CAST: variants seen among roughly 807,000 people sequenced by gnomAD.
The protein encoded by CAST is calpastatin, also known as MIR583 host.
In CAST, 76 loss-of-function variants were observed where a neutral mutation model predicts 119.6. That is an observed-to-expected ratio of 0.64 (90% CI 0.53 to 0.77). The LOEUF (loss-of-function observed/expected upper bound fraction) is 0.77. CAST is among the 30% of genes least tolerant of loss of function. CAST has a pLI of 0.00. For missense variants in CAST, 953 were observed against 946.5 expected (o/e 1.01, Z -0.09); for synonymous variants, 319 against 331.6 (o/e 0.96, Z 0.41).
the CAST span, among the ~76,000 whole-genome samples, chr5:96,510,432 G>A: frequency 6.6e-6 from 1 of 152,128 alleles, no homozygotes; most frequent in Non-Finnish European, 1.5e-5. Flanking sequence ...TATTATTGTA[G>A]CAGGGTGAGA....
chr5:96,042,975 G>A, the CAST span, among the ~76,000 whole-genome samples: 4 of 152,046 alleles, frequency 2.6e-5, no homozygotes, highest in African/African-American at 9.7e-5. Context: ...TAAACCAGAA[G>A]CCCATGGAAG....
chr5:96,137,814 T>A, the CAST span, among the ~76,000 whole-genome samples: 2 of 152,144 alleles, frequency 1.3e-5, no homozygotes, highest in South Asian at 4.1e-4. Context: ...TCTGTTCAGA[T>A]CTTTTGTCTG....
rs1189100090 is a variant in CAST at position 96,561,786 on chromosome 5, G to GGT, written c.60+31906_60+31907insGT. On this transcript the variant is annotated intron_variant, in intron 1 of 11. Coordinates refer to the CAST transcript ENST00000505143. ...ATGTATATATGTGTATTATATATAT[G>GGT]TTTTTTTTTGTTTTTTTTTTTTTTG... 1.3e-3 allele frequency among the ~76,000 whole-genome samples: 138 copies of GGT among 105,348 alleles called. 1 individual carries two copies. The highest frequency in any genetic ancestry group is 1.6e-3 in the African/African-American group (46 of 28,644). The allele number at this position is 105,348 out of a possible 152,430, so 69.1% of individuals were successfully genotyped here.
chr5:96,484,733 A>G, the CAST span, among the ~76,000 whole-genome samples: 1 of 142,026 alleles, frequency 7.0e-6, no homozygotes, highest in Non-Finnish European at 1.5e-5. Flanking sequence ...AACTCCAACG[A>G]GCTCATAACA....
At chr5:96,073,913 A>G in the CAST span, among the ~76,000 whole-genome samples, 1 of 152,152 alleles carries the variant, frequency 6.6e-6, no homozygotes, top group Non-Finnish European at 1.5e-5. Flanking sequence ...TTGTATTCAT[A>G]TCTCTCTTCT....
chr5:96,622,222 C>T (rs1036071150), intron 1 of CAST, among the ~76,000 whole-genome samples: 1 of 152,086 alleles, frequency 6.6e-6, no homozygotes, highest in Non-Finnish European at 1.5e-5. Context: ...CCCACCTCGG[C>T]CTCCCAAAGT....
At chr5:96,431,948 C>A in the CAST span, 14 of 707,648 alleles carry the variant, frequency 2.0e-5, no homozygotes, top group Non-Finnish European at 3.1e-5. Flanking sequence ...AGGGTCCCCT[C>A]GGAATCGCTC....
the CAST span, among the ~76,000 whole-genome samples, chr5:96,119,272 GA>G: frequency 2.6e-5 from 4 of 152,104 alleles, no homozygotes; most frequent in East Asian, 1.9e-4. Context: ...ATATAGAGTT[GA>G]AAAAAATTTT....
chr5:96,399,695 G>C, the CAST span, among the ~76,000 whole-genome samples: 1 of 152,120 alleles, frequency 6.6e-6, no homozygotes, highest in Non-Finnish European at 1.5e-5. Context: ...CAGTTTAATT[G>C]ACAATAAAAC....
intron 2 of CAST, among the ~76,000 whole-genome samples, chr5:96,684,179 T>C (rs1751777574): frequency 6.6e-6 from 1 of 152,234 alleles, no homozygotes; most frequent in South Asian, 2.1e-4. Flanking sequence ...ATGAGGATAC[T>C]AATAGTTCTT....
chr5:96,012,354 T>C, the CAST span, among the ~76,000 whole-genome samples: 1 of 152,032 alleles, frequency 6.6e-6, no homozygotes, highest in African/African-American at 2.4e-5. Flanking sequence ...CCAAAGTAAA[T>C]AATTATGCTT....
chr5:96,375,887 A>ATCTC, the CAST span, among the ~76,000 whole-genome samples: 25 of 138,602 alleles, frequency 1.8e-4, no homozygotes, highest in African/African-American at 6.4e-4. Flanking sequence ...CTTAAAATAA[A>ATCTC]TCTCTCTCTC....
chr5:96,407,022 CA>C, the CAST span, among the ~76,000 whole-genome samples: 1 of 152,010 alleles, frequency 6.6e-6, no homozygotes. Flanking sequence ...TTTTTAACAT[CA>C]TACACTAAAA....
chr5:96,481,938 T>G, the CAST span, among the ~76,000 whole-genome samples: 47 of 152,074 alleles, frequency 3.1e-4, no homozygotes, highest in Non-Finnish European at 6.2e-4. Flanking sequence ...CTTGACAACT[T>G]AAAAAAACTC....
Position 96,561,792 on chromosome 5 carries a change from T to TG in CAST, c.60+31912_60+31913insG, listed in dbSNP as rs1554067786. Among the ~76,000 whole-genome samples the TG allele has an allele frequency of 6.1e-5, 4 of 65,256 alleles. 1 individual carries two copies. In the South Asian group the frequency reaches 1.6e-3, roughly 26 times the overall value. The allele number at this position is 65,256 out of a possible 152,430, so 42.8% of individuals were successfully genotyped here. On this transcript the variant is annotated intron_variant, in intron 1 of 11. Transcript: ENST00000505143. ...ATATGTGTATTATATATATGTTTTTTTTTGTTTTTTTTTTTTTTGAGACGG... is the reference window on the plus strand; with the variant it reads ...ATATGTGTATTATATATATGTTTTTTGTTTGTTTTTTTTTTTTTTGAGACGG...
the CAST span, among the ~76,000 whole-genome samples, chr5:96,037,637 C>T: frequency 6.6e-6 from 1 of 152,090 alleles, no homozygotes; most frequent in African/African-American, 2.4e-5. Context: ...AATATTATAT[C>T]TAGTAGATTT....
the CAST span, among the ~76,000 whole-genome samples, chr5:96,479,844 C>T: frequency 1.3e-5 from 2 of 152,004 alleles, no homozygotes; most frequent in African/African-American, 4.8e-5. Context: ...AAGAAAAATA[C>T]AGCTGAGGCC....
At chr5:96,089,642 G>A in the CAST span, among the ~76,000 whole-genome samples, 3 of 152,194 alleles carry the variant, frequency 2.0e-5, no homozygotes, top group African/African-American at 7.2e-5. Flanking sequence ...AGGGCTGTAT[G>A]TATACATGTG....
the CAST span, among the ~76,000 whole-genome samples, chr5:96,301,447 C>T: frequency 1.3e-5 from 2 of 152,130 alleles, no homozygotes; most frequent in Non-Finnish European, 2.9e-5. Context: ...AACAGTCCCC[C>T]AAAGTCTTAA....
Sources: allele counts gnomAD v4.1 joint callset (sites outside exome capture counted in the v4.1 genomes callset), GRCh38; gene constraint gnomAD v4.1.1; transcripts MANE v1.5; gene names NCBI Gene and HGNC (gene_info 2026-07-23, HGNC 2026-07-21).